The following FAAP20 variants were observed in gnomAD, a reference collection of about 807,000 sequenced individuals.
FAAP20 encodes the protein FA core complex associated protein 20.
In FAAP20, 12 loss-of-function variants were observed where a neutral mutation model predicts 16.2. That is an observed-to-expected ratio of 0.74 (90% CI 0.48 to 1.20). The LOEUF (loss-of-function observed/expected upper bound fraction) is 1.20. Ranked by LOEUF, FAAP20 falls within the 50% of genes most tolerant of loss-of-function variation. FAAP20 has a pLI of 0.00. For missense variants in FAAP20, 288 were observed against 245.8 expected, an observed-to-expected ratio of 1.17 and a Z score of -1.15; for synonymous variants, 141 against 110.7, an observed-to-expected ratio of 1.27 and a Z score of -1.72.
At chr1:2,192,673 G>A (rs1266411049) in intron 3 of FAAP20, 2 of 1,191,150 alleles carry the variant, frequency 1.7e-6, no homozygotes, top group African/African-American at 1.6e-5. Context: ...GAGTGCAGTG[G>A]TGCAATCATA....
At chr1:2,201,739 TG>T (rs1477500883), upstream of FAAP20, among the ~76,000 whole-genome samples, 1 of 148,284 alleles carries the variant, frequency 6.7e-6, no homozygotes, top group Non-Finnish European at 1.5e-5. Context: ...ACAAAAAGTC[TG>T]GGCGCGGTGG....
At chr1:2,186,076 G>C (rs1248521240), downstream of FAAP20, 1 of 454,096 alleles carries the variant, frequency 2.2e-6, no homozygotes, top group African/African-American at 2.0e-5. Flanking sequence ...CAGGTGTCAG[G>C]TGTGGCAGAG....
upstream of FAAP20, chr1:2,203,855 T>C (rs1689139139): frequency 6.3e-6 from 1 of 158,196 alleles, no homozygotes; most frequent in African/African-American, 2.4e-5. Context: ...GCCCGGGGCA[T>C]CTGTCCACTT....
downstream of FAAP20, chr1:2,185,567 C>T: frequency 5.6e-6 from 4 of 709,648 alleles, no homozygotes; most frequent in Admixed American, 6.0e-5. Flanking sequence ...CGGTAAGTTC[C>T]TGTTGTTCTT....
At chr1:2,208,630 G>C (rs2100765811), downstream of FAAP20, among the ~76,000 whole-genome samples, 1 of 152,282 alleles carries the variant, frequency 6.6e-6, no homozygotes, top group Admixed American at 6.5e-5. Flanking sequence ...GCAGCCTCTT[G>C]CCTCGCCCTT....
chr1:2,187,560 T>C (rs1257073662), downstream of FAAP20, among the ~76,000 whole-genome samples: 1 of 152,170 alleles, frequency 6.6e-6, no homozygotes, highest in East Asian at 1.9e-4. Flanking sequence ...TGCCTCAGCC[T>C]CCCAAAGTTC....
At chr1:2,188,871 G>A (rs1323226208), downstream of FAAP20, among the ~76,000 whole-genome samples, 2 of 152,044 alleles carry the variant, frequency 1.3e-5, no homozygotes, top group Non-Finnish European at 2.9e-5. Flanking sequence ...CGGGCGTGGT[G>A]GCGGGCGCCT....
rs1240183224 is a variant in FAAP20, at chr1:2,189,567, C to G, written c.*142G>C. The G allele has an allele frequency of 2.8e-6, 2 of 710,330 alleles. No homozygotes were observed. Among genetic ancestry groups the G allele is most frequent in the Non-Finnish European group, 5.0e-6 (2 of 396,150 alleles). The allele number at this position is 710,330 out of a possible 1,614,324, so 44.0% of individuals were successfully genotyped here. On this transcript the variant is annotated 3_prime_UTR_variant, in exon 4 of 4. Coordinates refer to ENST00000378546, the MANE Select transcript of FAAP20 (RefSeq NM_182533.4). ...CAGACGTTTCATCACAACACAGAGA[C>G]AGACAGGAGCCCGCCCTGCTTTAAT...
chr1:2,211,226 C>CTTTTTT (rs56294751), downstream of FAAP20, among the ~76,000 whole-genome samples: 3 of 101,136 alleles, frequency 3.0e-5, no homozygotes, highest in African/African-American at 4.6e-5. Flanking sequence ...TTCTTTCTTT[C>CTTTTTT]TTTTTTTTTT....
At chr1:2,198,752 A>C (rs753355875), upstream of FAAP20, 1 of 1,286,996 alleles carries the variant, frequency 7.8e-7, no homozygotes, top group Non-Finnish European at 1.0e-6. Flanking sequence ...GGCAGTGCTC[A>C]CCTGCTGGCA....
upstream of FAAP20, among the ~76,000 whole-genome samples, chr1:2,204,774 C>G (rs1167465188): frequency 6.6e-6 from 1 of 152,148 alleles, no homozygotes. Flanking sequence ...CAGGCTCAGC[C>G]AGCCGCCGCC....
chr1:2,208,127 TG>T (rs1006672639), downstream of FAAP20, among the ~76,000 whole-genome samples: 1 of 151,952 alleles, frequency 6.6e-6, no homozygotes, highest in African/African-American at 2.4e-5. Flanking sequence ...AGCCCCTGCC[TG>T]GGGGGGTGAC....
At chr1:2,199,348 A>T (rs1011663576), upstream of FAAP20, 1 of 1,032,978 alleles carries the variant, frequency 9.7e-7, no homozygotes, top group African/African-American at 1.7e-5. The surrounding 1 kb of genome is among the most constrained non-coding windows in gnomAD (Gnocchi z 4.5). Context: ...GGCTTTTATC[A>T]GCCCCAGATC....
upstream of FAAP20, chr1:2,194,834 C>T: frequency 2.8e-6 from 3 of 1,074,938 alleles, no homozygotes; most frequent in African/African-American, 3.4e-5. Flanking sequence ...GCCTCCAGAC[C>T]TCTGCAGCGA....
downstream of FAAP20, chr1:2,184,688 C>T: frequency 6.2e-7 from 1 of 1,613,312 alleles, no homozygotes; most frequent in Non-Finnish European, 8.5e-7. Flanking sequence ...GCAGCTGACC[C>T]CAGACGATGA....
chr1:2,189,469 G>C, downstream of FAAP20: 1 of 562,976 alleles, frequency 1.8e-6, no homozygotes, highest in Middle Eastern at 4.8e-4. Flanking sequence ...CAGCTTCCCC[G>C]CCTGGGGCTG....
chr1:2,191,216 T>TGA (rs1243941858), intron 3 of FAAP20: 2 of 152,528 alleles, frequency 1.3e-5, no homozygotes, highest in African/African-American at 4.8e-5. Flanking sequence ...GGGGGCCCTC[T>TGA]GAGATGCCTT....
upstream of FAAP20, chr1:2,204,014 C>T (rs1689144079): frequency 6.6e-6 from 1 of 152,266 alleles, no homozygotes; most frequent in Non-Finnish European, 1.5e-5. Flanking sequence ...TCTCCGAGCA[C>T]CCTGGGGCAG....
At chr1:2,203,355 C>A, upstream of FAAP20, 3 of 934,608 alleles carry the variant, frequency 3.2e-6, no homozygotes, top group African/African-American at 1.8e-5. Flanking sequence ...TCTCTGGACA[C>A]CCCTCCGCAG....
Sources: allele counts gnomAD v4.1 joint callset (sites outside exome capture counted in the v4.1 genomes callset), GRCh38; gene constraint gnomAD v4.1.1; non-coding constraint Gnocchi (gnomAD v3.1); transcripts MANE v1.5; gene names NCBI Gene and HGNC (gene_info 2026-07-23, HGNC 2026-07-21).